The following ARHGEF7 variants were observed in gnomAD, a reference collection of about 807,000 sequenced individuals.
ARHGEF7 encodes the protein PAK-interacting exchange factor beta.
In ARHGEF7, 33 loss-of-function variants were observed where a neutral mutation model predicts 109.8. That is an observed-to-expected ratio of 0.30 (90% confidence interval 0.23 to 0.40). The LOEUF is 0.40. ARHGEF7 is among the 10% of genes least tolerant of loss of function. The pLI is 1.00. For synonymous variants in ARHGEF7, 458 were observed against 424.6 expected, an observed-to-expected ratio of 1.08 and a Z score of -0.97; for missense variants, 938 against 1,098.5, an observed-to-expected ratio of 0.85 and a Z score of 2.07.
chr13:111,276,797 A>G (rs1354047435), intron 12 of ARHGEF7, among the ~76,000 whole-genome samples: 1 of 152,210 alleles, frequency 6.6e-6, no homozygotes, highest in Admixed American at 6.5e-5. Flanking sequence ...GTTCTGAGGA[A>G]TATACTTGGG....
rs1405840235 is a variant in ARHGEF7, at chr13:111,255,290, C to T, written c.950+10996C>T. Among the ~76,000 whole-genome samples the T allele has an allele frequency of 6.6e-6, 1 of 152,214 alleles. No homozygotes were observed. The stretch of plus-strand genomic sequence containing the variant: ...TCACAGGGGAGGGTGGAAGCGGATA[C>T]TGGGAGCTGCAGACTTCCCACCCGG... On this transcript the variant is annotated intron_variant, in intron 8 of 21. Coordinates refer to ENST00000646102, the MANE Select transcript of ARHGEF7 (RefSeq NM_001354046.2). This position sits in a 1 kb window ranked among gnomAD's most constrained non-coding sequence, Gnocchi z 4.1.
At chr13:111,183,712 A>G (rs1028254161) in intron 2 of ARHGEF7, among the ~76,000 whole-genome samples, 1 of 152,108 alleles carries the variant, frequency 6.6e-6, no homozygotes, top group African/African-American at 2.4e-5. Context: ...AATTTAATAT[A>G]CTTGCTCTGT....
intron 17 of ARHGEF7, 113 bp from the exon 18 acceptor site, chr13:111,288,241 A>G: frequency 2.0e-6 from 1 of 498,898 alleles, no homozygotes; most frequent in Non-Finnish European, 3.6e-6. Flanking sequence ...AATCAAGGGC[A>G]GATTATCTTA....
At position 111,305,647 on chromosome 13, in the gene ARHGEF7, T is replaced by C. The variant is rs2093634817; in HGVS notation, c.*2534T>C. 6.6e-6 allele frequency: 1 copy of C among 152,232 alleles called. No individual in the cohort carries two copies. Among genetic ancestry groups the C allele is most frequent in the East Asian group, 1.9e-4 (1 of 5,204 alleles). The allele number at this position is 152,232 out of a possible 1,614,324, so 9.4% of individuals were successfully genotyped here. On this transcript the variant is annotated 3_prime_UTR_variant, in exon 22 of 22. Transcript: ENST00000646102. ...AGTGTGGAGAAACTCCTAATTTAAA[T>C]GTCACAGACAATGTCCTAGTGTTGA...
rs831156 is a variant in ARHGEF7, at chr13:111,121,995, A to G, written c.165+6304A>G. Reference sequence around the variant, plus strand: ...TGAAAACCTTCCCCATCGTGTCCAGAAGACTGTAAGCCAAGATTTGAACCT... The same window carrying G: ...TGAAAACCTTCCCCATCGTGTCCAGGAGACTGTAAGCCAAGATTTGAACCT... On this transcript the variant is annotated intron_variant, in intron 1 of 21. Coordinates refer to ENST00000646102, the MANE Select transcript of ARHGEF7 (RefSeq NM_001354046.2). Among the ~76,000 whole-genome samples the G allele has an allele frequency of 2.6e-3, 400 of 152,354 alleles. 2 individuals are homozygous for G. Among genetic ancestry groups the G allele is most frequent in the African/African-American group, 9.2e-3 (381 of 41,582 alleles).
chr13:111,185,456 C>G (rs1478114239), intron 2 of ARHGEF7, among the ~76,000 whole-genome samples: 2 of 152,126 alleles, frequency 1.3e-5, no homozygotes, highest in Non-Finnish European at 2.9e-5. Flanking sequence ...TTCGGTGGCA[C>G]CTTGGGAGGG....
intron 1 of ARHGEF7, among the ~76,000 whole-genome samples, chr13:111,117,451 CCT>C (rs1471587506): frequency 6.6e-6 from 1 of 152,188 alleles, no homozygotes; most frequent in Admixed American, 6.5e-5. Context: ...TTTGATTCCC[CCT>C]GAGCTCCAGT....
chr13:111,267,481 C>CT, intron 8 of ARHGEF7, 67 bp from the exon 9 acceptor site: 2 of 1,596,348 alleles, frequency 1.3e-6, no homozygotes, highest in Non-Finnish European at 1.7e-6. Context: ...TATTATATGT[C>CT]TGTCAGTTAG....
At chr13:111,262,501 G>A (rs180977093) in intron 8 of ARHGEF7, among the ~76,000 whole-genome samples, 83 of 152,272 alleles carry the variant, frequency 5.5e-4, no homozygotes, top group Non-Finnish European at 1.1e-3. Context: ...TGTTGATCAC[G>A]ACAGGCTGCT....
intron 5 of ARHGEF7, among the ~76,000 whole-genome samples, chr13:111,226,245 A>G (rs1459435883): frequency 6.6e-6 from 1 of 152,236 alleles, no homozygotes; most frequent in Non-Finnish European, 1.5e-5. Flanking sequence ...AGGTTAGTGC[A>G]TGAGGTTGAA....
At chr13:111,177,820 A>G (rs1466294963) in intron 2 of ARHGEF7, among the ~76,000 whole-genome samples, 4 of 150,076 alleles carry the variant, frequency 2.7e-5, no homozygotes, top group Non-Finnish European at 1.5e-5. Flanking sequence ...TGTTGGCCAG[A>G]TGGTGGGGAA....
rs756781405 is a variant in ARHGEF7 at position 111,115,497 on chromosome 13, C to T, written c.-30C>T. 2.3e-5 allele frequency: 29 copies of T among 1,242,080 alleles called. No individual in the cohort carries two copies. Among genetic ancestry groups the T allele is most frequent in the Middle Eastern group, 2.4e-4 (1 of 4,164 alleles). 76.9% of individuals were successfully genotyped at this position (1,242,080 alleles called of 1,614,324 possible). A position where few individuals can be genotyped will look rare whatever the true frequency, so the allele number is the denominator to read the frequency against. Reference sequence around the variant, plus strand: ...GCCGCTCCGAGGTGAAGGCGCGCGCCCCTCCCCGCCTGCCTCCCGGGCCGC... The same window carrying T: ...GCCGCTCCGAGGTGAAGGCGCGCGCTCCTCCCCGCCTGCCTCCCGGGCCGC... On this transcript the variant is annotated 5_prime_UTR_variant, in exon 1 of 22. Coordinates refer to ENST00000646102, the MANE Select transcript of ARHGEF7 (RefSeq NM_001354046.2).
At chr13:111,128,139 A>T (rs2067701440) in intron 1 of ARHGEF7, among the ~76,000 whole-genome samples, 1 of 152,218 alleles carries the variant, frequency 6.6e-6, no homozygotes, top group African/African-American at 2.4e-5. Flanking sequence ...TTTCCCCCTA[A>T]GATCAGGAAC....
chr13:111,163,503 A>G (rs1210513636), intron 2 of ARHGEF7, among the ~76,000 whole-genome samples: 1 of 152,194 alleles, frequency 6.6e-6, no homozygotes, highest in Non-Finnish European at 1.5e-5. Context: ...TAAGTTTTTT[A>G]GTAACTACTT....
At chr13:111,270,343 G>A (rs573551984) in intron 9 of ARHGEF7, among the ~76,000 whole-genome samples, 87 of 152,306 alleles carry the variant, frequency 5.7e-4, no homozygotes, top group African/African-American at 1.9e-3. Context: ...GCTGGCATCA[G>A]CAGAACTGAA....
chr13:111,292,543 G>A (rs1425296001), intron 19 of ARHGEF7: 33 of 1,400,086 alleles, frequency 2.4e-5, no homozygotes, highest in African/African-American at 2.3e-4. Flanking sequence ...GTGTGTTCAC[G>A]TGAGCCTACA....
intron 2 of ARHGEF7, among the ~76,000 whole-genome samples, chr13:111,197,884 G>A (rs1422352453): frequency 2.0e-5 from 3 of 152,176 alleles, no homozygotes; most frequent in African/African-American, 7.2e-5. Context: ...GAGAAGAGAG[G>A]TGAGAGGACG....
chr13:111,150,785 G>A (rs192070715), intron 1 of ARHGEF7, among the ~76,000 whole-genome samples: 1 of 152,298 alleles, frequency 6.6e-6, no homozygotes, highest in African/African-American at 2.4e-5. Flanking sequence ...GGGGCTGGAC[G>A]AGAGATGTAG....
intron 13 of ARHGEF7, among the ~76,000 whole-genome samples, chr13:111,278,688 C>G (rs2092624159): frequency 6.6e-6 from 1 of 152,212 alleles, no homozygotes; most frequent in Non-Finnish European, 1.5e-5. Context: ...CAGTTTCCCC[C>G]AAACTAGCAG....
Sources: allele counts gnomAD v4.1 joint callset (sites outside exome capture counted in the v4.1 genomes callset), GRCh38; gene constraint gnomAD v4.1.1; non-coding constraint Gnocchi (gnomAD v3.1); transcripts MANE v1.5; gene names NCBI Gene and HGNC (gene_info 2026-07-23, HGNC 2026-07-21).